Variants in AURKA observed in about 807,000 individuals in gnomAD.
The protein encoded by AURKA is aurora 2.
AURKA carries 12 observed loss-of-function variants against 40.9 expected under a neutral mutation model. That is an observed-to-expected ratio of 0.29 (90% confidence interval 0.19 to 0.48). The LOEUF is 0.48. Ranked by LOEUF, AURKA falls within the 20% of genes least tolerant of loss-of-function variation. The probability of loss-of-function intolerance (pLI) is 0.99; values close to 1 mark genes in which losing one functional copy is unlikely to be tolerated. For missense variants in AURKA, 322 were observed against 462.1 expected, an observed-to-expected ratio of 0.70 and a Z score of 2.78; for synonymous variants, 170 against 164.3, an observed-to-expected ratio of 1.03 and a Z score of -0.26.
At chr20:56,389,735 T>C (rs1986819135) in intron 1 of AURKA, among the ~76,000 whole-genome samples, 1 of 152,170 alleles carries the variant, frequency 6.6e-6, no homozygotes, top group Admixed American at 6.5e-5. Context: ...TCTCTAGACA[T>C]CCTCATCTCA....
At chr20:56,388,487 G>A (rs1398287456) in intron 1 of AURKA, 1 of 482,398 alleles carries the variant, frequency 2.1e-6, no homozygotes, top group East Asian at 3.4e-5. Flanking sequence ...CCATCCCTGT[G>A]CAGCCTACTG....
intron 1 of AURKA, among the ~76,000 whole-genome samples, chr20:56,389,957 G>A (rs1017283325): frequency 1.3e-5 from 2 of 151,904 alleles, no homozygotes; most frequent in Non-Finnish European, 2.9e-5. Context: ...CCTCCCAATG[G>A]CCTCCCCACT....
chr20:56,381,680 C>T (rs1985731696), intron 5 of AURKA, 109 bp from the exon 6 acceptor site: 1 of 1,373,556 alleles, frequency 7.3e-7, no homozygotes, highest in Non-Finnish European at 1.0e-6. Flanking sequence ...TCACATGAAA[C>T]CACACTCCAA....
chr20:56,381,903 C>T (rs1600697387), intron 5 of AURKA, among the ~76,000 whole-genome samples: 2 of 152,184 alleles, frequency 1.3e-5, no homozygotes, highest in Non-Finnish European at 1.5e-5. Context: ...CAGTGGCTCA[C>T]GCCTGTAATC....
At chr20:56,379,584 A>G (rs1985416227) in intron 6 of AURKA, among the ~76,000 whole-genome samples, 1 of 152,224 alleles carries the variant, frequency 6.6e-6, no homozygotes, top group Non-Finnish European at 1.5e-5. Context: ...AAAAGGAAAC[A>G]GGGCTCCTTG....
intron 3 of AURKA, 26 bp downstream of exon 3, chr20:56,386,231 C>A: frequency 6.2e-7 from 1 of 1,614,050 alleles, no homozygotes; most frequent in Non-Finnish European, 8.5e-7. Flanking sequence ...GAAGGACTAT[C>A]CAATGAGTCT....
chr20:56,371,401 T>C (rs796779652), intron 7 of AURKA, among the ~76,000 whole-genome samples: 5 of 150,266 alleles, frequency 3.3e-5, no homozygotes, highest in East Asian at 2.0e-4. Flanking sequence ...GGCGAGCTTG[T>C]AGTGAGCCAA....
At chr20:56,383,339 A>G (rs1321800810) in intron 4 of AURKA, among the ~76,000 whole-genome samples, 163 bp from the exon 5 acceptor site, 1 of 152,236 alleles carries the variant, frequency 6.6e-6, no homozygotes, top group African/African-American at 2.4e-5. Context: ...AAGAGCTGCC[A>G]CGACATGAAA....
Position 56,373,619 on chromosome 20 carries a change from A to G in AURKA, c.706-63T>C, listed in dbSNP as rs1984555177. ...TATATAACACAAGTTAATATTAGACATCTCTTCCGAAAGGAACACAACATA... is the reference window on the plus strand; with the variant it reads ...TATATAACACAAGTTAATATTAGACGTCTCTTCCGAAAGGAACACAACATA... On this transcript the variant is annotated intron_variant, in intron 6 of 8. Transcript: ENST00000395915. This position sits in a 1 kb window ranked among gnomAD's most constrained non-coding sequence, Gnocchi z 5.0. 3 of 1,572,346 alleles carry G rather than the reference A, an allele frequency of 1.9e-6. No homozygotes were observed. In the African/African-American group the frequency reaches 4.1e-5, roughly 21 times the overall value.
At chr20:56,374,992 G>A (rs1215854289) in intron 6 of AURKA, among the ~76,000 whole-genome samples, 2 of 152,098 alleles carry the variant, frequency 1.3e-5, no homozygotes. Context: ...AGGTTGCAGT[G>A]AGCCGAGATC....
chr20:56,370,622 G>A lies in AURKA; in HGVS notation c.892C>T (p.Pro298Ser). 6.2e-7 allele frequency: 1 copy of A among 1,614,160 alleles called. No individual in the cohort carries two copies. The highest frequency in any genetic ancestry group is 8.5e-7 in the Non-Finnish European group (1 of 1,180,038). ...TLCGTLDYLP[P>S]EMIEGRMHDE... ...TGCATCCGACCTTCAATCATTTCAG[G>A]GGGCAGGTAGTCCAGGGTGCCACAG... The change falls in exon 8 of 9, where the codon CCT becomes TCT. Residue 298 changes from proline to serine, a missense_variant. Transcript: ENST00000395915.
intron 6 of AURKA, among the ~76,000 whole-genome samples, chr20:56,378,086 G>C (rs6099121): frequency 6.6e-6 from 1 of 152,020 alleles, no homozygotes; most frequent in African/African-American, 2.4e-5. Flanking sequence ...AGGATTGCTT[G>C]AGCCAGGGAG....
At chr20:56,386,178 A>G in intron 3 of AURKA, 79 bp downstream of exon 3, 1 of 1,564,018 alleles carries the variant, frequency 6.4e-7, no homozygotes, top group Non-Finnish European at 8.8e-7. Context: ...TCCAAACAAT[A>G]AGTGCAAGTA....
intron 6 of AURKA, among the ~76,000 whole-genome samples, chr20:56,374,052 T>C (rs549053642): frequency 1.4e-5 from 2 of 145,472 alleles, no homozygotes; most frequent in Non-Finnish European, 3.0e-5. Flanking sequence ...CACACACACA[T>C]CAACTGAACC....
In AURKA at chr20:56,386,445, G is replaced by A; in HGVS notation, c.131C>T (p.Ala44Val). Residue 44 changes from alanine to valine, a missense_variant, in exon 3 of 9, where the codon GCT becomes GTT. Transcript: ENST00000395915. The stretch of plus-strand genomic sequence containing the variant: ...ATTTGAAGGACACAAGACCCGCTGA[G>A]CCTGGCCACTATTTACAGGTAATGG... ...QNPLPVNSGQ[A>V]QRVLCPSNSS... 1 of 1,614,232 alleles carries A rather than the reference G, an allele frequency of 6.2e-7. No homozygotes were observed. The highest frequency in any genetic ancestry group is 8.5e-7 in the Non-Finnish European group (1 of 1,180,042).
chr20:56,380,457 A>C (rs1230924873), intron 6 of AURKA, among the ~76,000 whole-genome samples: 1 of 152,212 alleles, frequency 6.6e-6, no homozygotes, highest in Non-Finnish European at 1.5e-5. Flanking sequence ...TCAAGAGATA[A>C]AATAAATACC....
At chr20:56,383,273 T>C in intron 4 of AURKA, 97 bp from the exon 5 acceptor site, 2 of 1,332,418 alleles carry the variant, frequency 1.5e-6, no homozygotes, top group Non-Finnish European at 2.1e-6. Context: ...TAATTTCGTA[T>C]TCCAACTTCA....
intron 7 of AURKA, among the ~76,000 whole-genome samples, chr20:56,372,852 C>T (rs1408781531): frequency 1.3e-5 from 2 of 152,242 alleles, no homozygotes; most frequent in Non-Finnish European, 2.9e-5. Context: ...TGTTTTGAGA[C>T]TGACATCTCT....
chr20:56,380,028 C>T (rs888129752), intron 6 of AURKA, among the ~76,000 whole-genome samples: 8 of 148,356 alleles, frequency 5.4e-5, no homozygotes, highest in African/African-American at 1.7e-4. Flanking sequence ...ACACGCAAGA[C>T]AAAACTGCAA....
Sources: gnomAD v4.1 joint callset for allele counts (sites outside exome capture counted in the v4.1 genomes callset) on GRCh38, gnomAD v4.1.1 for gene constraint, Gnocchi (gnomAD v3.1) non-coding constraint, MANE v1.5 for transcripts, NCBI Gene and HGNC (gene_info 2026-07-23, HGNC 2026-07-21) for gene names.